The following PTGDR2 variants were observed in gnomAD, a reference collection of about 807,000 sequenced individuals.
The protein encoded by PTGDR2 is G-protein coupled receptor 44.
For synonymous variants in PTGDR2, 276 were observed against 278.4 expected (o/e 0.99, Z 0.09); for missense variants, 544 against 576.6 (o/e 0.94, Z 0.58).
In PTGDR2 at chr11:60,853,606, G is replaced by C. The variant is rs771193369; in HGVS notation, c.117C>G (p.His39Gln). ...CCAGGCCCAGCAGCGAGGCCAGCCC[G>C]TGCAGCAGCACGGCCGCGTGGTCGA... The part of the protein sequence containing the change: ...RYIDHAAVLL[H>Q]GLASLLGLVE... Residue 39 changes from histidine to glutamine, a missense_variant, in exon 2 of 2, where the codon CAC (histidine) becomes CAG (glutamine). Coordinates refer to ENST00000332539, the MANE Select transcript of PTGDR2 (RefSeq NM_004778.3). The C allele has an allele frequency of 6.4e-7, 1 of 1,556,586 alleles. No homozygotes were observed. Among genetic ancestry groups the C allele is most frequent in the Non-Finnish European group, 8.7e-7 (1 of 1,149,750 alleles).
intron 1 of PTGDR2, among the ~76,000 whole-genome samples, chr11:60,855,139 G>C (rs932423549): frequency 6.6e-6 from 1 of 152,274 alleles, no homozygotes; most frequent in Middle Eastern, 3.4e-3. Flanking sequence ...TCCTGAGAAT[G>C]GTCATACTTC....
chr11:60,852,730 G>A lies in PTGDR2; in HGVS notation c.993C>T (p.Ser331=). 2.0e-6 allele frequency: 3 copies of A among 1,482,064 alleles called. No individual in the cohort carries two copies. The highest frequency in any genetic ancestry group is 1.8e-6 in the Non-Finnish European group (2 of 1,108,198). 91.8% of individuals were successfully genotyped at this position (1,482,064 alleles called of 1,614,324 possible). ...GGCTGCTTCCCGCGCCACCCAGCTCGCTGTCGTCCACCAGCACGCTCTCCA... is the reference window on the plus strand; with the variant it reads ...GGCTGCTTCCCGCGCCACCCAGCTCACTGTCGTCCACCAGCACGCTCTCCA... ...TVLESVLVDD[S]ELGGAGSSRR... The change falls in exon 2 of 2, where the codon AGC becomes AGT. Residue 331 remains serine, a synonymous_variant. Coordinates refer to ENST00000332539, the MANE Select transcript of PTGDR2 (RefSeq NM_004778.3).
intron 1 of PTGDR2, among the ~76,000 whole-genome samples, chr11:60,853,949 G>A (rs1271854359): frequency 1.3e-5 from 2 of 152,236 alleles, no homozygotes; most frequent in Non-Finnish European, 2.9e-5. Flanking sequence ...TTGGATGTCA[G>A]TCATAACATC....
Position 60,853,013 on chromosome 11 carries a change from C to T in PTGDR2, c.710G>A (p.Gly237Asp). 1 of 1,477,718 alleles carries T rather than the reference C, an allele frequency of 6.8e-7. No individual in the cohort carries two copies. The highest frequency in any genetic ancestry group is 1.4e-5 in the South Asian group (1 of 74,004). 91.5% of individuals were successfully genotyped at this position (1,477,718 alleles called of 1,614,324 possible). ...AAVSLRLQHR[G>D]RRRPGRFVRL... is the part of the protein sequence containing the mutation. ...CACGAAGCGGCCTGGCCGCCGGCGG[C>T]CGCGGTGCTGCAACCGCAGGCTCAC... is the stretch of plus-strand genomic sequence containing the variant. Residue 237 changes from glycine to aspartate, a missense_variant, in exon 2 of 2, where the codon GGC becomes GAC. By Grantham distance (94) the Gly-to-Asp change is moderately conservative. Coordinates refer to ENST00000332539, the MANE Select transcript of PTGDR2 (RefSeq NM_004778.3).
chr11:60,853,344 G>C lies in PTGDR2; in HGVS notation c.379C>G (p.Leu127Val), dbSNP rs1319286138. 2.5e-6 allele frequency: 4 copies of C among 1,609,144 alleles called. No individual in the cohort carries two copies. The highest frequency in any genetic ancestry group is 1.3e-5 in the African/African-American group (1 of 74,864). Residue 127 changes from leucine (L) to valine (V), a missense_variant, in exon 2 of 2, where the codon CTG becomes GTG. Coordinates refer to ENST00000332539, the MANE Select transcript of PTGDR2 (RefSeq NM_004778.3). Reference protein sequence around the residue: ...ASGFLLSAISLDRCLQVVRPV... With the variant: ...ASGFLLSAISVDRCLQVVRPV... ...CGCACCACCTGCAGGCAGCGGTCCAGGCTGATGGCGCTGAGCAGGAAGCCG... is the reference window on the plus strand; with the variant it reads ...CGCACCACCTGCAGGCAGCGGTCCACGCTGATGGCGCTGAGCAGGAAGCCG...
Position 60,852,763 on chromosome 11 carries a change from G to GCGCAGCGAGCGC in PTGDR2, c.948_959dup (p.Arg317_Arg320dup). ...CCACCAGCACGCTCTCCAGCACCGT[G>GCGCAGCGAGCGC]CGCAGCGAGCGCCGCAGCTTGCGCA... On this transcript the variant is annotated inframe_insertion, in exon 2 of 2. Coordinates refer to ENST00000332539, the MANE Select transcript of PTGDR2 (RefSeq NM_004778.3). 1.3e-6 allele frequency: 2 copies of GCGCAGCGAGCGC among 1,541,480 alleles called. No homozygotes were observed.
Position 60,853,509 on chromosome 11 carries a change from G to T in PTGDR2, c.214C>A (p.His72Asn), listed in dbSNP as rs150731729. Residue 72 changes from histidine (H) to asparagine (N), a missense_variant, in exon 2 of 2, where the codon CAC (histidine) becomes AAC (asparagine). Physicochemically the swap from His to Asn is moderately conservative, Grantham distance 68. Transcript: ENST00000332539. ...GCCAACAGGTCGGACAGCGCCAGGT[G>T]CAGCACCCAGGTGGTGACCACGGTC... ...RQTVVTTWVL[H>N]LALSDLLASA... is the part of the protein sequence containing the mutation. 2.2e-4 allele frequency: 342 copies of T among 1,559,742 alleles called. 2 individuals carry two copies. The African/African-American group carries it at 4.4e-3, about 20-fold the overall frequency.
intron 1 of PTGDR2, among the ~76,000 whole-genome samples, chr11:60,854,665 G>A (rs1011066400): frequency 1.8e-4 from 27 of 152,362 alleles, no homozygotes; most frequent in African/African-American, 6.3e-4. Flanking sequence ...GCAGGGGACA[G>A]GGACTCAGGG....
At position 60,853,151 on chromosome 11, in the gene PTGDR2, G is replaced by A. The variant is rs774740653; in HGVS notation, c.572C>T (p.Pro191Leu). Reference protein sequence around the residue: ...MCYYNVLLLNPGPDRDATCNS... With the variant: ...MCYYNVLLLNLGPDRDATCNS... ...GCACGTGGCATCGCGGTCAGGCCCC[G>A]GGTTCAGGAGCAGCACATTGTAGTA... Residue 191 changes from proline to leucine, a missense_variant, in exon 2 of 2, where the codon CCG (proline) becomes CTG (leucine). Physicochemically the swap from Pro to Leu is moderately conservative, Grantham distance 98. Coordinates refer to ENST00000332539, the MANE Select transcript of PTGDR2 (RefSeq NM_004778.3). 1.9e-6 allele frequency: 3 copies of A among 1,608,330 alleles called. No individual in the cohort carries two copies. Among genetic ancestry groups the A allele is most frequent in the African/African-American group, 1.3e-5 (1 of 74,928 alleles).
rs373508812 is a variant in PTGDR2, at chr11:60,854,286, G to A, written c.-9-555C>T. On this transcript the variant is annotated intron_variant, in intron 1 of 1. Transcript: ENST00000332539. Reference sequence around the variant, plus strand: ...CTACAGATCCTCCATGCAGCTCCCCGCACTCAGTGGTGGCTGGTTAGATGT... The same window carrying A: ...CTACAGATCCTCCATGCAGCTCCCCACACTCAGTGGTGGCTGGTTAGATGT... Among the ~76,000 whole-genome samples the A allele has an allele frequency of 2.2e-4, 34 of 152,274 alleles. No homozygotes were observed. In the South Asian group the frequency reaches 3.5e-3, roughly 16 times the overall value.
In PTGDR2 at chr11:60,851,120, GA is replaced by G. The variant is rs1433340680; in HGVS notation, c.*1414del. 6.6e-6 allele frequency: 1 copy of G among 152,414 alleles called. No individual in the cohort carries two copies. Among genetic ancestry groups the G allele is most frequent in the Non-Finnish European group, 1.5e-5 (1 of 68,098 alleles). The allele number at this position is 152,414 out of a possible 1,614,324, so 9.4% of individuals were successfully genotyped here. ...GGGGGAAGTGCTATGAGTAAAGGGG[GA>G]AGGGATGGGAGGGAGCAGGGGCGAG... is the stretch of plus-strand genomic sequence containing the variant. On this transcript the variant is annotated 3_prime_UTR_variant, in exon 2 of 2. Transcript: ENST00000332539.
rs1470734448 is a variant in PTGDR2, at chr11:60,851,926, A to G, written c.*609T>C. On this transcript the variant is annotated 3_prime_UTR_variant, in exon 2 of 2. Transcript: ENST00000332539. ...AACCTCCCTGAGCCAGAATGTGCTCAGCTGTAAAGACTGGCTAATAGAAGC... is the reference window on the plus strand; with the variant it reads ...AACCTCCCTGAGCCAGAATGTGCTCGGCTGTAAAGACTGGCTAATAGAAGC... 2 of 152,426 alleles carry G rather than the reference A, an allele frequency of 1.3e-5. No individual in the cohort carries two copies. Among genetic ancestry groups the G allele is most frequent in the African/African-American group, 4.8e-5 (2 of 41,584 alleles). 9.4% of individuals were successfully genotyped at this position (152,426 alleles called of 1,614,324 possible).
At position 60,851,544 on chromosome 11, in the gene PTGDR2, A is replaced by G. The variant is rs1041716690; in HGVS notation, c.*991T>C. 3.3e-5 allele frequency: 5 copies of G among 152,230 alleles called. No homozygotes were observed. Among genetic ancestry groups the G allele is most frequent in the African/African-American group, 1.2e-4 (5 of 41,460 alleles). 9.4% of individuals were successfully genotyped at this position (152,230 alleles called of 1,614,324 possible). The stretch of plus-strand genomic sequence containing the variant: ...ACAGATCTTGGGATTACCAGTGCCC[A>G]GAGGGATCCCACAGAACACCAGGCC... On this transcript the variant is annotated 3_prime_UTR_variant, in exon 2 of 2. Transcript: ENST00000332539.
intron 1 of PTGDR2, among the ~76,000 whole-genome samples, chr11:60,855,559 C>T (rs1387381810): frequency 6.6e-6 from 1 of 151,908 alleles, no homozygotes; most frequent in African/African-American, 2.4e-5. Context: ...TGAATCCCAG[C>T]TCCTCAGCTT....
Position 60,853,692 on chromosome 11 carries a change from A to G in PTGDR2, c.31T>C (p.Cys11Arg). 1 of 1,552,314 alleles carries G rather than the reference A, an allele frequency of 6.4e-7. No individual in the cohort carries two copies. Among genetic ancestry groups the G allele is most frequent in the Non-Finnish European group, 8.7e-7 (1 of 1,148,748 alleles). Residue 11 changes from cysteine (C) to arginine (R), a missense_variant, in exon 2 of 2, where the codon TGC becomes CGC. Cys to Arg is a radical substitution (Grantham distance 180, BLOSUM62 -3). Coordinates refer to ENST00000332539, the MANE Select transcript of PTGDR2 (RefSeq NM_004778.3). ...CGGCTCATCTGCTCCAGGATGGGGC[A>G]GAGTGGCTTCAGTGTGGCGTTGGCC... is the stretch of plus-strand genomic sequence containing the variant. Reference protein sequence around the residue: MSANATLKPLCPILEQMSRLQ... With the variant: MSANATLKPLRPILEQMSRLQ...
At position 60,851,263 on chromosome 11, in the gene PTGDR2, G is replaced by A. The variant is rs1344692520; in HGVS notation, c.*1272C>T. ...GCCTTTGGTGGCAGAAAAAACACAG[G>A]ACCAAGATCTCAAGAGTTTCTCATC... On this transcript the variant is annotated 3_prime_UTR_variant, in exon 2 of 2. Coordinates refer to ENST00000332539, the MANE Select transcript of PTGDR2 (RefSeq NM_004778.3). 1 of 152,190 alleles carries A rather than the reference G, an allele frequency of 6.6e-6. No individual in the cohort carries two copies. The highest frequency in any genetic ancestry group is 1.5e-5 in the Non-Finnish European group (1 of 68,046). 9.4% of individuals were successfully genotyped at this position (152,190 alleles called of 1,614,324 possible). A position where few individuals can be genotyped will look rare whatever the true frequency, so the allele number is the denominator to read the frequency against.
chr11:60,853,599 C>A lies in PTGDR2; in HGVS notation c.124G>T (p.Ala42Ser), dbSNP rs749549015. ...DHAAVLLHGL[A>S]SLLGLVENGV... ...TTCTCCACCAGGCCCAGCAGCGAGG[C>A]CAGCCCGTGCAGCAGCACGGCCGCG... is the stretch of plus-strand genomic sequence containing the variant. The change falls in exon 2 of 2, where the codon GCC (alanine) becomes TCC (serine). Residue 42 changes from alanine to serine, a missense_variant. Transcript: ENST00000332539. The A allele has an allele frequency of 9.6e-6, 15 of 1,555,978 alleles. No homozygotes were observed. The highest frequency in any genetic ancestry group is 1.4e-5 in the African/African-American group (1 of 73,302).
chr11:60,855,549 T>C (rs1855345595), intron 1 of PTGDR2, among the ~76,000 whole-genome samples: 1 of 151,746 alleles, frequency 6.6e-6, no homozygotes, highest in Non-Finnish European at 1.5e-5. Context: ...GACCTGGGTT[T>C]GAATCCCAGC....
In PTGDR2 at chr11:60,852,453, G is replaced by A. The variant is rs976377959; in HGVS notation, c.*82C>T. The A allele has an allele frequency of 3.6e-5, 42 of 1,173,000 alleles. No homozygotes were observed. In the African/African-American group the frequency reaches 6.5e-4, roughly 18 times the overall value. The allele number at this position is 1,173,000 out of a possible 1,614,324, so 72.7% of individuals were successfully genotyped here. ...CCGCCCCTCGGACTTTGATCACTGC[G>A]GCAGGAGTCCGGATATCGAATTGAA... On this transcript the variant is annotated 3_prime_UTR_variant, in exon 2 of 2. Coordinates refer to ENST00000332539, the MANE Select transcript of PTGDR2 (RefSeq NM_004778.3).
Sources: gnomAD v4.1 joint callset for allele counts (sites outside exome capture counted in the v4.1 genomes callset) on GRCh38, gnomAD v4.1.1 for gene constraint, MANE v1.5 for transcripts, NCBI Gene and HGNC (gene_info 2026-07-23, HGNC 2026-07-21) for gene names.